The following NF1 variants were observed in gnomAD, a reference collection of about 807,000 sequenced individuals.
NF1 encodes the protein neurofibromin.
NF1 carries 122 observed loss-of-function variants against 325.7 expected under a neutral mutation model. The ratio of observed to expected loss-of-function variants is 0.37; its 90% CI spans 0.32 to 0.44. NF1 has a LOEUF of 0.44. Ranked by LOEUF, NF1 falls within the 20% of genes least tolerant of loss-of-function variation. NF1 has a pLI of 1.00. For synonymous variants in NF1, 1,091 were observed against 1,186.0 expected (o/e 0.92, Z 1.65); for missense variants, 2,140 against 3,415.4 (o/e 0.63, Z 9.31).
Position 31,170,248 on chromosome 17 carries a change from A to G in NF1, c.586+251A>G, listed in dbSNP as rs17883876. Among the ~76,000 whole-genome samples the G allele has an allele frequency of 9.1e-3, 1,380 of 152,340 alleles. 21 individuals are homozygous for G. Among genetic ancestry groups the G allele is most frequent in the African/African-American group, 0.032 (1,321 of 41,574 alleles). ...TGCTTAACTACAATTTTTGTTTTCA[A>G]TACAGAGAATGCAAGGGTGCTATTA... On this transcript the variant is annotated intron_variant, in intron 5 of 57. Transcript: ENST00000358273.
chr17:31,212,143 A>G (rs1467706297), intron 12 of NF1, among the ~76,000 whole-genome samples: 6 of 152,072 alleles, frequency 3.9e-5, no homozygotes. Flanking sequence ...AAAATGTTCT[A>G]TTTTAATTTT....
chr17:31,104,598 C>T (rs1027525194), intron 1 of NF1, among the ~76,000 whole-genome samples: 1 of 151,980 alleles, frequency 6.6e-6, no homozygotes, highest in African/African-American at 2.4e-5. Context: ...TTCTTGGGGG[C>T]GGGAAGGGAG....
intron 1 of NF1, among the ~76,000 whole-genome samples, chr17:31,112,697 A>G (rs1448071479): frequency 6.6e-6 from 1 of 152,150 alleles, no homozygotes; most frequent in African/African-American, 2.4e-5. Flanking sequence ...ATGATTTGCA[A>G]GTCTTCTAGT....
chr17:31,301,497 C>A (rs992332100), intron 36 of NF1, among the ~76,000 whole-genome samples: 1 of 152,052 alleles, frequency 6.6e-6, no homozygotes, highest in Non-Finnish European at 1.5e-5. Flanking sequence ...GTTATAGGTT[C>A]CCAAAGGTGC....
chr17:31,197,989 T>G (rs2066464603), intron 8 of NF1, among the ~76,000 whole-genome samples: 3 of 152,210 alleles, frequency 2.0e-5, no homozygotes, highest in African/African-American at 4.8e-5. Context: ...ATTCCTAGCT[T>G]GAGTGTTTTT....
intron 5 of NF1, among the ~76,000 whole-genome samples, chr17:31,172,389 A>G (rs566460104): frequency 6.7e-6 from 1 of 150,314 alleles, no homozygotes; most frequent in South Asian, 2.1e-4. Flanking sequence ...CTTTCTCTCG[A>G]TATACCTATC....
chr17:31,230,734 G>T, intron 23 of NF1, 108 bp from the exon 24 acceptor site: 1 of 878,316 alleles, frequency 1.1e-6, no homozygotes, highest in South Asian at 1.4e-5. Context: ...ATGTCACTTA[G>T]GTTATCTGGC....
Position 31,338,123 on chromosome 17 carries a change from T to C in NF1, c.6803T>C (p.Ile2268Thr). ...RVSHGQIKQI[I>T]RILSKALESC... is the part of the protein sequence containing the mutation. ...TCTCATGGGCAGATAAAGCAGATAA[T>C]CCGTATTCTTAGCAAGGTACCTGTT... is the stretch of plus-strand genomic sequence containing the variant. Residue 2268 changes from isoleucine to threonine, a missense_variant, in exon 45 of 58, where the codon ATC becomes ACC. Ile to Thr is a moderately conservative substitution (Grantham distance 89, BLOSUM62 -1). Around this residue, in one of 10 missense-constraint regions of NF1, gnomAD observed 522 missense variants for 749.0 expected, o/e 0.70. Transcript: ENST00000358273. The C allele has an allele frequency of 1.2e-6, 2 of 1,612,848 alleles. No individual in the cohort carries two copies. The highest frequency in any genetic ancestry group is 1.7e-6 in the Non-Finnish European group (2 of 1,178,884).
chr17:31,311,072 C>T (rs964535487), intron 36 of NF1, among the ~76,000 whole-genome samples: 5 of 151,628 alleles, frequency 3.3e-5, no homozygotes, highest in Non-Finnish European at 5.9e-5. Flanking sequence ...ACCTCAGCTT[C>T]CCTAAAGAAG....
intron 56 of NF1, 43 bp downstream of exon 56, chr17:31,359,058 T>C (rs1597868925): frequency 6.5e-7 from 1 of 1,546,944 alleles, no homozygotes; most frequent in Non-Finnish European, 8.9e-7. Context: ...AAAATGAAGG[T>C]TTCTGTTCAA....
intron 36 of NF1, among the ~76,000 whole-genome samples, chr17:31,306,121 AT>A (rs1486304745): frequency 6.6e-6 from 1 of 152,062 alleles, no homozygotes; most frequent in Non-Finnish European, 1.5e-5. Context: ...CCTTGACCAC[AT>A]TAGACACTAC....
chr17:31,305,762 T>C, intron 36 of NF1: 1 of 753,848 alleles, frequency 1.3e-6, no homozygotes, highest in Non-Finnish European at 2.1e-6. Flanking sequence ...AGTTGATTAG[T>C]AGTTATTATT....
rs921264768 is a variant in NF1, at chr17:31,374,310, T to G, written c.*155T>G. 3 of 956,350 alleles carry G rather than the reference T, an allele frequency of 3.1e-6. No individual in the cohort carries two copies. The African/African-American group carries it at 4.9e-5, about 16-fold the overall frequency. The allele number at this position is 956,350 out of a possible 1,614,324, so 59.2% of individuals were successfully genotyped here. On this transcript the variant is annotated 3_prime_UTR_variant, in exon 58 of 58. Coordinates refer to ENST00000358273, the MANE Select transcript of NF1 (RefSeq NM_001042492.3). ...TGCCATGTTGCCAGATGATCAACTC[T>G]TCGAAGCCTTGCCTAAATTTAATGC...
At chr17:31,312,649 A>G (rs2068909225) in intron 36 of NF1, among the ~76,000 whole-genome samples, 1 of 152,150 alleles carries the variant, frequency 6.6e-6, no homozygotes, top group African/African-American at 2.4e-5. Context: ...ATGCATAATG[A>G]AATAAACTAA....
chr17:31,361,882 A>G (rs2070409383), intron 57 of NF1, among the ~76,000 whole-genome samples: 1 of 152,248 alleles, frequency 6.6e-6, no homozygotes, highest in South Asian at 2.1e-4. Flanking sequence ...AGCTTTGGTC[A>G]GCAGAGGAAA....
At chr17:31,268,566 G>T (rs1369353308) in intron 36 of NF1, among the ~76,000 whole-genome samples, 1 of 150,012 alleles carries the variant, frequency 6.7e-6, no homozygotes, top group Non-Finnish European at 1.5e-5. Flanking sequence ...GGTGGAGGTT[G>T]CAGTGAACCA....
At chr17:31,150,760 G>A (rs1257312346) in intron 1 of NF1, among the ~76,000 whole-genome samples, 4 of 151,974 alleles carry the variant, frequency 2.6e-5, no homozygotes, top group South Asian at 2.1e-4. Flanking sequence ...GGCTGGGCAC[G>A]GTGGCTCACG....
chr17:31,227,703 A>G, intron 20 of NF1, 97 bp downstream of exon 20: 1 of 1,068,936 alleles, frequency 9.4e-7, no homozygotes. Context: ...TAAAGTAAAC[A>G]TATAGCTGTG....
chr17:31,228,132 A>C (rs1202797236), intron 20 of NF1, among the ~76,000 whole-genome samples: 1 of 152,256 alleles, frequency 6.6e-6, no homozygotes, highest in Non-Finnish European at 1.5e-5. Context: ...TAGGCAGTAG[A>C]TTGATCCCAT....
Sources: gnomAD v4.1 joint callset for allele counts (sites outside exome capture counted in the v4.1 genomes callset) on GRCh38, gnomAD v4.1.1 for gene constraint, gnomAD v4.1.1 regional missense constraint, MANE v1.5 for transcripts, NCBI Gene and HGNC (gene_info 2026-07-23, HGNC 2026-07-21) for gene names.